Variants in PTPRG observed in about 807,000 individuals in gnomAD.
The protein encoded by PTPRG is receptor-type tyrosine-protein phosphatase gamma.
In PTPRG, 102 loss-of-function variants were observed where a neutral mutation model predicts 165.3. The observed-to-expected ratio is 0.62, with a 90% CI of 0.53 to 0.73. The LOEUF is 0.73. PTPRG is among the 30% of genes least tolerant of loss of function. The pLI is 0.00. For synonymous variants in PTPRG, 675 were observed against 669.5 expected (o/e 1.01, Z -0.13); for missense variants, 1,866 against 1,861.4 (o/e 1.00, Z -0.05).
chr3:61,612,689 TTA>T (rs1236602578), intron 1 of PTPRG, among the ~76,000 whole-genome samples: 3 of 152,196 alleles, frequency 2.0e-5, no homozygotes, highest in Non-Finnish European at 4.4e-5. Context: ...GTGCAACACT[TTA>T]GAGTTCTTGG....
rs1022295125 is a variant in PTPRG, at chr3:62,214,236, C to G, written c.2156-4615C>G. Among the ~76,000 whole-genome samples the G allele has an allele frequency of 1.3e-5, 2 of 152,182 alleles. No homozygotes were observed. Among genetic ancestry groups the G allele is most frequent in the African/African-American group, 4.8e-5 (2 of 41,446 alleles). Reference sequence around the variant, plus strand: ...CAAACACCCGGTGAGTGCTCACCATCTCCTGCTGCTGTGTGAGGGTGCTGA... The same window carrying G: ...CAAACACCCGGTGAGTGCTCACCATGTCCTGCTGCTGTGTGAGGGTGCTGA... On this transcript the variant is annotated intron_variant, in intron 12 of 29. Coordinates refer to ENST00000474889, the MANE Select transcript of PTPRG (RefSeq NM_002841.4). The surrounding 1 kb of genome is among the most constrained non-coding windows in gnomAD (Gnocchi z 5.2).
At chr3:61,716,965 C>A (rs917594452) in intron 1 of PTPRG, among the ~76,000 whole-genome samples, 1 of 152,082 alleles carries the variant, frequency 6.6e-6, no homozygotes, top group Non-Finnish European at 1.5e-5. Flanking sequence ...CAGTGAGACT[C>A]CATGTCAACA....
intron 1 of PTPRG, among the ~76,000 whole-genome samples, chr3:61,598,688 G>C (rs563635378): frequency 3.9e-5 from 6 of 152,242 alleles, no homozygotes; most frequent in Admixed American, 1.3e-4. Context: ...ACAACAGTCT[G>C]GGTGGCTTTA....
At chr3:61,907,451 T>A (rs1327546494) in intron 2 of PTPRG, among the ~76,000 whole-genome samples, 2 of 152,188 alleles carry the variant, frequency 1.3e-5, no homozygotes, top group African/African-American at 4.8e-5. Flanking sequence ...CCTCCATCAG[T>A]CATGTCGAAT....
At chr3:61,800,578 A>G (rs999048432) in intron 2 of PTPRG, among the ~76,000 whole-genome samples, 1 of 152,022 alleles carries the variant, frequency 6.6e-6, no homozygotes, top group Admixed American at 6.6e-5. Flanking sequence ...AAGTTGGGTG[A>G]AGAAAGTCAT....
intron 6 of PTPRG, among the ~76,000 whole-genome samples, chr3:62,149,130 T>A (rs928346246): frequency 9.2e-5 from 14 of 152,204 alleles, no homozygotes; most frequent in African/African-American, 3.4e-4. Context: ...TCCCATGCTG[T>A]CATTCCCATT....
intron 1 of PTPRG, among the ~76,000 whole-genome samples, chr3:61,655,744 A>G (rs966313477): frequency 1.3e-5 from 2 of 152,118 alleles, no homozygotes; most frequent in Non-Finnish European, 2.9e-5. Flanking sequence ...TAGCCAGGAC[A>G]ACAGGCATAT....
chr3:61,701,535 A>C (rs746447507), intron 1 of PTPRG, among the ~76,000 whole-genome samples: 1 of 152,216 alleles, frequency 6.6e-6, no homozygotes, highest in Non-Finnish European at 1.5e-5. Flanking sequence ...TAATTTTTCT[A>C]CAGTATAATA....
intron 1 of PTPRG, among the ~76,000 whole-genome samples, chr3:61,633,635 G>T (rs370776295): frequency 9.9e-5 from 15 of 152,092 alleles, no homozygotes; most frequent in African/African-American, 3.4e-4. Context: ...TTTGCAAATA[G>T]AAATAGTTTT....
intron 4 of PTPRG, among the ~76,000 whole-genome samples, chr3:62,052,296 A>C (rs1196435247): frequency 6.6e-6 from 1 of 152,198 alleles, no homozygotes; most frequent in Non-Finnish European, 1.5e-5. Flanking sequence ...TAGTACAGTA[A>C]TCCAGGTGTG....
chr3:61,664,605 G>A (rs1210381334), intron 1 of PTPRG, among the ~76,000 whole-genome samples: 1 of 152,212 alleles, frequency 6.6e-6, no homozygotes, highest in Non-Finnish European at 1.5e-5. Flanking sequence ...AAGGCTGGTA[G>A]GTCACTTTGA....
At chr3:61,748,188 G>T (rs576907281) in intron 1 of PTPRG, among the ~76,000 whole-genome samples, 3 of 152,332 alleles carry the variant, frequency 2.0e-5, no homozygotes, top group African/African-American at 7.2e-5. Context: ...ACAGGTGACT[G>T]TTAGTGGCCC....
At chr3:62,153,885 G>GT (rs1316581910) in intron 6 of PTPRG, among the ~76,000 whole-genome samples, 2 of 152,196 alleles carry the variant, frequency 1.3e-5, no homozygotes, top group Non-Finnish European at 2.9e-5. Context: ...AGTGCTGGGG[G>GT]TGCTGGTGCA....
At chr3:61,777,018 T>G (rs2034403320) in intron 2 of PTPRG, among the ~76,000 whole-genome samples, 3 of 152,174 alleles carry the variant, frequency 2.0e-5, no homozygotes, top group Admixed American at 2.0e-4. Flanking sequence ...TCATTCCTCT[T>G]TGAATCTTTC....
At chr3:62,041,978 G>A (rs1700143531) in intron 4 of PTPRG, among the ~76,000 whole-genome samples, 2 of 152,136 alleles carry the variant, frequency 1.3e-5, no homozygotes, top group African/African-American at 4.8e-5. Flanking sequence ...TTTAATGAAT[G>A]ATTAAGCATC....
chr3:61,860,446 T>G (rs1418286910), intron 2 of PTPRG, among the ~76,000 whole-genome samples: 72 of 141,956 alleles, frequency 5.1e-4, no homozygotes, highest in African/African-American at 1.8e-3. Flanking sequence ...TTTTTTTTTT[T>G]TTTTTTTTTT....
intron 2 of PTPRG, among the ~76,000 whole-genome samples, chr3:61,962,736 G>A (rs895611534): frequency 2.6e-5 from 4 of 152,078 alleles, no homozygotes; most frequent in Non-Finnish European, 5.9e-5. Flanking sequence ...TTTTTTGAAT[G>A]CTTAGTATGT....
intron 26 of PTPRG, among the ~76,000 whole-genome samples, chr3:62,280,982 G>A (rs1702410527): frequency 6.6e-6 from 1 of 151,970 alleles, no homozygotes; most frequent in Admixed American, 6.6e-5. Flanking sequence ...TGGGAATCAT[G>A]CCAATATTGA....
chr3:62,050,962 G>A (rs1400018149), intron 4 of PTPRG, among the ~76,000 whole-genome samples: 1 of 152,132 alleles, frequency 6.6e-6, no homozygotes, highest in Non-Finnish European at 1.5e-5. Context: ...TTCCATCCCT[G>A]TACTCCAAGG....
Sources: gnomAD v4.1 joint callset for allele counts (sites outside exome capture counted in the v4.1 genomes callset) on GRCh38, gnomAD v4.1.1 for gene constraint, Gnocchi (gnomAD v3.1) non-coding constraint, MANE v1.5 for transcripts, NCBI Gene and HGNC (gene_info 2026-07-23, HGNC 2026-07-21) for gene names.